The following PTPN21 variants were observed in gnomAD, a reference collection of about 807,000 sequenced individuals.
PTPN21 encodes protein tyrosine phosphatase non-receptor type 21.
A neutral mutation model predicts 131.8 loss-of-function variants in PTPN21; 77 were observed. That is an observed-to-expected ratio of 0.58 (90% confidence interval 0.49 to 0.71). PTPN21 has a LOEUF of 0.71. Among genes scored for constraint, PTPN21 ranks in the 30% least tolerant of loss-of-function variants. The pLI, the probability that PTPN21 is intolerant of heterozygous loss-of-function variation, is 0.00. For missense variants in PTPN21, 1,552 were observed against 1,527.1 expected (o/e 1.02, Z -0.27); for synonymous variants, 715 against 621.3 (o/e 1.15, Z -2.24).
At chr14:88,540,949 C>G (rs979333803) in intron 2 of PTPN21, among the ~76,000 whole-genome samples, 1 of 152,192 alleles carries the variant, frequency 6.6e-6, no homozygotes. Flanking sequence ...AGGCATGAGC[C>G]ACCTTGCCCG....
At chr14:88,496,313 G>A in intron 10 of PTPN21, 100 bp downstream of exon 10, 1 of 1,078,080 alleles carries the variant, frequency 9.3e-7, no homozygotes, top group Non-Finnish European at 1.4e-6. Context: ...AAGAAAAGAT[G>A]TCAACTGATA....
At chr14:88,550,142 G>T in intron 2 of PTPN21, 96 bp downstream of exon 2, 1 of 1,293,676 alleles carries the variant, frequency 7.7e-7, no homozygotes, top group Non-Finnish European at 1.1e-6. Flanking sequence ...TCGAACTCCT[G>T]ACCTCAGGTG....
chr14:88,493,370 G>A (rs2077853715), intron 10 of PTPN21, among the ~76,000 whole-genome samples: 1 of 152,186 alleles, frequency 6.6e-6, no homozygotes, highest in Non-Finnish European at 1.5e-5. Context: ...ATGACTAAGA[G>A]TCTGTCAGAG....
chr14:88,537,482 A>T (rs981679992), intron 2 of PTPN21, among the ~76,000 whole-genome samples: 13 of 152,200 alleles, frequency 8.5e-5, no homozygotes, highest in Non-Finnish European at 2.9e-5. Flanking sequence ...ATGAATATTG[A>T]TTGAATACCT....
chr14:88,520,010 G>T (rs1208002076), intron 2 of PTPN21, among the ~76,000 whole-genome samples: 1 of 152,120 alleles, frequency 6.6e-6, no homozygotes, highest in East Asian at 1.9e-4. Flanking sequence ...AGGGTTTCTT[G>T]GGCCCTAAAA....
chr14:88,485,037 C>T, intron 12 of PTPN21, 39 bp downstream of exon 12: 1 of 1,473,612 alleles, frequency 6.8e-7, no homozygotes. Flanking sequence ...TATCCATAGT[C>T]ATAACTATGT....
chr14:88,477,636 C>T (rs888511637), intron 13 of PTPN21, among the ~76,000 whole-genome samples: 1 of 151,984 alleles, frequency 6.6e-6, no homozygotes, highest in Non-Finnish European at 1.5e-5. Context: ...TGAGATGAGC[C>T]GTCCTGTCGG....
rs571645783 is a variant in PTPN21, at chr14:88,548,064, C to T, written c.180+2174G>A. Among the ~76,000 whole-genome samples, 5 of 152,222 alleles carry T rather than the reference C, an allele frequency of 3.3e-5. No individual in the cohort carries two copies. The South Asian group carries it at 1.0e-3, about 32-fold the overall frequency. On this transcript the variant is annotated intron_variant, in intron 2 of 18. Transcript: ENST00000556564. The stretch of plus-strand genomic sequence containing the variant: ...TTATAGCCCCACCATCTACTGAAAA[C>T]CTGAATATCAACCAGGACCCATGCT...
intron 3 of PTPN21, 118 bp from the exon 4 acceptor site, chr14:88,508,138 A>T: frequency 2.0e-6 from 1 of 496,180 alleles, no homozygotes; most frequent in South Asian, 3.2e-5. Context: ...TTAATCCCAC[A>T]TGGTTGTGTG....
chr14:88,549,697 C>T (rs1183950369), intron 2 of PTPN21, among the ~76,000 whole-genome samples: 2 of 151,960 alleles, frequency 1.3e-5, no homozygotes, highest in East Asian at 3.9e-4. Flanking sequence ...CTCCTGGGTA[C>T]AAGTGATTCT....
At chr14:88,504,583 T>G (rs2078060360) in intron 5 of PTPN21, 88 bp from the exon 6 acceptor site, 3 of 1,045,792 alleles carry the variant, frequency 2.9e-6, no homozygotes, top group Non-Finnish European at 4.5e-6. Flanking sequence ...ATGACTCTCG[T>G]CACTATCAGG....
At chr14:88,516,991 G>C in intron 3 of PTPN21, 101 bp downstream of exon 3, 1 of 1,352,102 alleles carries the variant, frequency 7.4e-7, no homozygotes, top group Non-Finnish European at 1.0e-6. Flanking sequence ...TGTGGGGCGA[G>C]AGGGCAAAGT....
At chr14:88,488,687 A>T (rs1296162126) in intron 10 of PTPN21, among the ~76,000 whole-genome samples, 2 of 152,194 alleles carry the variant, frequency 1.3e-5, no homozygotes, top group African/African-American at 4.8e-5. Context: ...GTGGTGGCAC[A>T]TGCCCGTGTA....
intron 2 of PTPN21, among the ~76,000 whole-genome samples, chr14:88,525,917 A>T (rs1464205875): frequency 2.0e-5 from 3 of 152,250 alleles, no homozygotes; most frequent in Admixed American, 6.5e-5. Flanking sequence ...GACATTCAAA[A>T]ATATTATGCT....
intron 18 of PTPN21, 123 bp from the exon 19 acceptor site, chr14:88,468,388 C>A (rs964721596): frequency 3.1e-6 from 3 of 952,822 alleles, no homozygotes; most frequent in Non-Finnish European, 4.6e-6. Context: ...TCCACCTTAG[C>A]GTCTTCTAGA....
chr14:88,519,639 A>G (rs1335166542), intron 2 of PTPN21, among the ~76,000 whole-genome samples: 2 of 152,238 alleles, frequency 1.3e-5, no homozygotes, highest in Admixed American at 6.5e-5. Flanking sequence ...ATTATTTTTT[A>G]ACAAGGTAAG....
At chr14:88,542,335 A>T (rs1456418866) in intron 2 of PTPN21, among the ~76,000 whole-genome samples, 1 of 152,228 alleles carries the variant, frequency 6.6e-6, no homozygotes, top group Non-Finnish European at 1.5e-5. Flanking sequence ...AGACAGTGAC[A>T]GCACTTAGAG....
chr14:88,487,826 C>T (rs1006970846), intron 10 of PTPN21, among the ~76,000 whole-genome samples: 1 of 152,012 alleles, frequency 6.6e-6, no homozygotes, highest in African/African-American at 2.4e-5. Flanking sequence ...ATTAGCCAGG[C>T]GCGGTGGCAG....
intron 13 of PTPN21, among the ~76,000 whole-genome samples, chr14:88,476,493 T>C (rs2077549079): frequency 6.6e-6 from 1 of 152,142 alleles, no homozygotes; most frequent in African/African-American, 2.4e-5. Flanking sequence ...TCAAAACAAA[T>C]AAAAGCAAAT....
Sources: gnomAD v4.1 joint callset for allele counts (sites outside exome capture counted in the v4.1 genomes callset) on GRCh38, gnomAD v4.1.1 for gene constraint, MANE v1.5 for transcripts, NCBI Gene and HGNC (gene_info 2026-07-23, HGNC 2026-07-21) for gene names.